RCAN2: variants seen among roughly 807,000 people sequenced by gnomAD.
The protein encoded by RCAN2 is regulator of calcineurin 2.
A neutral mutation model predicts 23.6 loss-of-function variants in RCAN2; 9 were observed. The observed-to-expected ratio is 0.38, with a 90% CI of 0.23 to 0.67. RCAN2 has a LOEUF of 0.67. Among genes scored for constraint, RCAN2 ranks in the 30% least tolerant of loss-of-function variants. The pLI is 0.51. For missense variants in RCAN2, 273 were observed against 302.3 expected, an observed-to-expected ratio of 0.90 and a Z score of 0.72; for synonymous variants, 109 against 115.7, an observed-to-expected ratio of 0.94 and a Z score of 0.37.
chr6:46,258,433 G>A (rs1297019144), intron 2 of RCAN2, among the ~76,000 whole-genome samples: 1 of 152,194 alleles, frequency 6.6e-6, no homozygotes, highest in African/African-American at 2.4e-5. Context: ...ATTGTGAAAA[G>A]AGGAACTGCA....
At chr6:46,458,896 C>CATGCGCGT (rs139673559) in intron 1 of RCAN2, among the ~76,000 whole-genome samples, 1 of 150,036 alleles carries the variant, frequency 6.7e-6, no homozygotes, top group Non-Finnish European at 1.5e-5. Flanking sequence ...CGCGCGCGCA[C>CATGCGCGT]GTGTGTGTGT....
At chr6:46,452,050 C>T (rs1479376182) in intron 2 of RCAN2, among the ~76,000 whole-genome samples, 1 of 152,110 alleles carries the variant, frequency 6.6e-6, no homozygotes, top group African/African-American at 2.4e-5. Flanking sequence ...TTTGAATAGA[C>T]CACTCTTGGT....
intron 2 of RCAN2, among the ~76,000 whole-genome samples, chr6:46,336,042 A>G (rs1764130699): frequency 6.6e-6 from 1 of 152,228 alleles, no homozygotes; most frequent in African/African-American, 2.4e-5. Context: ...TGAACTCTTA[A>G]CTTCTCAACA....
intron 2 of RCAN2, among the ~76,000 whole-genome samples, chr6:46,298,601 C>T (rs1340130938): frequency 6.6e-6 from 1 of 152,060 alleles, no homozygotes; most frequent in Non-Finnish European, 1.5e-5. Flanking sequence ...ACAAACTAAT[C>T]AGAGTTGGAG....
intron 2 of RCAN2, among the ~76,000 whole-genome samples, chr6:46,424,084 T>A (rs1253078977): frequency 2.0e-5 from 3 of 152,162 alleles, no homozygotes; most frequent in Non-Finnish European, 4.4e-5. Context: ...ACCTGGTTCA[T>A]CCCTTTTACT....
intron 2 of RCAN2, among the ~76,000 whole-genome samples, chr6:46,382,772 T>C (rs942337133): frequency 7.2e-5 from 11 of 152,180 alleles, no homozygotes; most frequent in Non-Finnish European, 1.2e-4. Flanking sequence ...ATGAAAAGAA[T>C]ACCCGCATAT....
intron 2 of RCAN2, among the ~76,000 whole-genome samples, chr6:46,436,346 G>T (rs967890384): frequency 1.3e-5 from 2 of 152,210 alleles, no homozygotes; most frequent in African/African-American, 2.4e-5. Flanking sequence ...CCGAGTAGCT[G>T]GGATTACAGG....
At chr6:46,252,448 G>A (rs1766762692) in intron 2 of RCAN2, among the ~76,000 whole-genome samples, 1 of 152,142 alleles carries the variant, frequency 6.6e-6, no homozygotes, top group Non-Finnish European at 1.5e-5. Context: ...TTCCACAGCA[G>A]CGATCTCAAG....
intron 2 of RCAN2, among the ~76,000 whole-genome samples, chr6:46,275,802 C>A (rs374180436): frequency 1.3e-5 from 2 of 152,242 alleles, no homozygotes; most frequent in Middle Eastern, 6.8e-3. Flanking sequence ...TTATCAGATG[C>A]GACCAGAAAG....
At chr6:46,326,300 G>T (rs1384713874) in intron 2 of RCAN2, among the ~76,000 whole-genome samples, 1 of 152,176 alleles carries the variant, frequency 6.6e-6, no homozygotes, top group Non-Finnish European at 1.5e-5. Flanking sequence ...CAAACCAAAA[G>T]CAGTTCATGG....
intron 2 of RCAN2, among the ~76,000 whole-genome samples, chr6:46,371,547 T>G (rs1047216163): frequency 6.6e-6 from 1 of 152,206 alleles, no homozygotes; most frequent in Non-Finnish European, 1.5e-5. Flanking sequence ...AATTGATTCA[T>G]GCTAAGTGAG....
chr6:46,268,578 A>G (rs138773670), intron 2 of RCAN2, among the ~76,000 whole-genome samples: 279 of 152,306 alleles, frequency 1.8e-3, no homozygotes, highest in Non-Finnish European at 3.4e-3. Context: ...CTCCCATGAT[A>G]GTGACAGGTG....
At chr6:46,404,516 C>G (rs1342567602) in intron 2 of RCAN2, among the ~76,000 whole-genome samples, 2 of 152,090 alleles carry the variant, frequency 1.3e-5, no homozygotes, top group African/African-American at 2.4e-5. Context: ...CGTTATATAT[C>G]AAGTTCTTAA....
At chr6:46,437,975 A>G (rs898510449) in intron 2 of RCAN2, among the ~76,000 whole-genome samples, 1 of 152,244 alleles carries the variant, frequency 6.6e-6, no homozygotes, top group Non-Finnish European at 1.5e-5. Context: ...GGAGAAAATT[A>G]GGACACATGG....
chr6:46,251,162 A>C (rs1363906937), intron 2 of RCAN2, among the ~76,000 whole-genome samples: 1 of 152,302 alleles, frequency 6.6e-6, no homozygotes, highest in South Asian at 2.1e-4. Context: ...TGTCTTATGC[A>C]GAGCAGGCTT....
At chr6:46,375,923 G>T (rs865863547) in intron 2 of RCAN2, among the ~76,000 whole-genome samples, 2 of 152,284 alleles carry the variant, frequency 1.3e-5, no homozygotes, top group Middle Eastern at 3.4e-3. Context: ...CATACACAAT[G>T]GGCCACAGTT....
At chr6:46,342,096 C>G (rs1764337981) in intron 2 of RCAN2, among the ~76,000 whole-genome samples, 1 of 152,074 alleles carries the variant, frequency 6.6e-6, no homozygotes, top group Non-Finnish European at 1.5e-5. Context: ...TGAGATATGT[C>G]TTTTGAGTGT....
chr6:46,388,080 A>C lies in RCAN2; in HGVS notation c.225+68672T>G, dbSNP rs1244748100. ...AGAACACTTGGACCCAGGAAGGGGA[A>C]CATCACACGCTGGGGCCTGTTGTGG... On this transcript the variant is annotated intron_variant, in intron 2 of 4. Transcript: ENST00000371374. Among the ~76,000 whole-genome samples the C allele has an allele frequency of 2.6e-5, 4 of 151,704 alleles. No homozygotes were observed. The East Asian group carries it at 7.8e-4, about 29-fold the overall frequency.
At chr6:46,263,084 C>CTA (rs977914280) in intron 2 of RCAN2, among the ~76,000 whole-genome samples, 18 of 152,298 alleles carry the variant, frequency 1.2e-4, no homozygotes, top group African/African-American at 4.1e-4. Flanking sequence ...CACATATTCA[C>CTA]TATTGAGTGC....
Sources: allele counts gnomAD v4.1 joint callset (sites outside exome capture counted in the v4.1 genomes callset), GRCh38; gene constraint gnomAD v4.1.1; transcripts MANE v1.5; gene names NCBI Gene and HGNC (gene_info 2026-07-23, HGNC 2026-07-21).